Variants in CELF4 observed in about 807,000 individuals in gnomAD.
The protein encoded by CELF4 is CUG-BP- and ETR-3-like factor 4.
A neutral mutation model predicts 59.9 loss-of-function variants in CELF4; 18 were observed. That is an observed-to-expected ratio of 0.30 (90% CI 0.21 to 0.45). CELF4 has a LOEUF of 0.45. CELF4 is among the 20% of genes least tolerant of loss of function. The pLI is 1.00. For missense variants in CELF4, 456 were observed against 689.0 expected (o/e 0.66, Z 3.79); for synonymous variants, 261 against 267.1 (o/e 0.98, Z 0.22).
chr18:37,311,191 C>T (rs980263398), intron 3 of CELF4, among the ~76,000 whole-genome samples: 1 of 152,166 alleles, frequency 6.6e-6, no homozygotes, highest in African/African-American at 2.4e-5. Context: ...AATCAACACC[C>T]CCTCCCACAG....
intron 2 of CELF4, among the ~76,000 whole-genome samples, chr18:37,347,505 C>A (rs865826303): frequency 1.3e-5 from 2 of 152,290 alleles, no homozygotes; most frequent in South Asian, 4.1e-4. Context: ...TGCCTCACAG[C>A]CACTCAGGTC....
intron 1 of CELF4, among the ~76,000 whole-genome samples, chr18:37,540,565 G>A (rs944920483): frequency 3.3e-5 from 5 of 152,190 alleles, no homozygotes; most frequent in Admixed American, 6.5e-5. Flanking sequence ...GGGGCAAGCT[G>A]GGTGGGAAGG....
intron 2 of CELF4, among the ~76,000 whole-genome samples, chr18:37,371,894 G>A (rs1394247922): frequency 1.3e-5 from 2 of 152,222 alleles, no homozygotes; most frequent in Non-Finnish European, 2.9e-5. Context: ...GGGAATGCAT[G>A]CAGTTCAGCA....
intron 2 of CELF4, among the ~76,000 whole-genome samples, chr18:37,383,707 G>T (rs1002620641): frequency 6.6e-6 from 1 of 152,200 alleles, no homozygotes. Flanking sequence ...AGGCAGGGAA[G>T]TCGGGTATTA....
intron 2 of CELF4, among the ~76,000 whole-genome samples, chr18:37,354,663 C>T (rs1317114682): frequency 1.3e-5 from 2 of 152,198 alleles, no homozygotes; most frequent in African/African-American, 2.4e-5. Context: ...TGACTCCTTA[C>T]ACTGTGGCTT....
intron 1 of CELF4, among the ~76,000 whole-genome samples, chr18:37,491,139 C>A (rs1376737703): frequency 6.6e-6 from 1 of 150,424 alleles, no homozygotes; most frequent in African/African-American, 2.4e-5. Context: ...CGAGAGGGGC[C>A]CCATGCCCAC....
intron 2 of CELF4, among the ~76,000 whole-genome samples, chr18:37,333,642 C>T (rs775632583): frequency 2.0e-5 from 3 of 151,830 alleles, no homozygotes; most frequent in Admixed American, 6.6e-5. Flanking sequence ...GCCCGTGCTG[C>T]CTCTCCTCCA....
intron 6 of CELF4, chr18:37,273,846 G>C: frequency 1.0e-6 from 1 of 995,824 alleles, no homozygotes; most frequent in South Asian, 4.6e-5. Flanking sequence ...CCAGAGGCCT[G>C]AGGGGATATC....
intron 7 of CELF4, 83 bp from the exon 8 acceptor site, chr18:37,271,000 C>T: frequency 7.9e-7 from 1 of 1,260,294 alleles, no homozygotes; most frequent in South Asian, 1.5e-5. Flanking sequence ...TAAAGCTTCA[C>T]TCAACTGTTT....
chr18:37,296,406 G>A (rs193085971), intron 3 of CELF4, among the ~76,000 whole-genome samples: 171 of 152,250 alleles, frequency 1.1e-3, no homozygotes, highest in Non-Finnish European at 1.9e-3. Flanking sequence ...ATGTTGCCCC[G>A]GCTGACCTTG....
At chr18:37,502,993 A>T (rs1231858523) in intron 1 of CELF4, among the ~76,000 whole-genome samples, 1 of 152,214 alleles carries the variant, frequency 6.6e-6, no homozygotes, top group South Asian at 2.1e-4. Flanking sequence ...GCCTCACAGT[A>T]CCAGGTCGGG....
At chr18:37,540,221 G>A (rs1357465712) in intron 1 of CELF4, among the ~76,000 whole-genome samples, 1 of 152,220 alleles carries the variant, frequency 6.6e-6, no homozygotes, top group Non-Finnish European at 1.5e-5. Flanking sequence ...CCAGGAGGAT[G>A]TGGAGAGGTT....
chr18:37,270,147 A>G (rs577132314), intron 8 of CELF4, among the ~76,000 whole-genome samples: 1 of 152,006 alleles, frequency 6.6e-6, no homozygotes, highest in Non-Finnish European at 1.5e-5. Flanking sequence ...AAAAAAGGTA[A>G]TCAGGAGCAG....
At chr18:37,466,467 TA>T (rs2099809367) in intron 2 of CELF4, among the ~76,000 whole-genome samples, 1 of 152,018 alleles carries the variant, frequency 6.6e-6, no homozygotes, top group Non-Finnish European at 1.5e-5. Context: ...GGTCTGTACT[TA>T]TACAAGCCTG....
chr18:37,513,583 A>G (rs1023343247), intron 1 of CELF4, among the ~76,000 whole-genome samples: 1 of 152,106 alleles, frequency 6.6e-6, no homozygotes, highest in Admixed American at 6.6e-5. Context: ...CACTCACTCC[A>G]GGGCCTCTTT....
intron 3 of CELF4, among the ~76,000 whole-genome samples, chr18:37,304,073 A>T (rs1300537951): frequency 1.3e-5 from 2 of 152,152 alleles, no homozygotes; most frequent in Non-Finnish European, 2.9e-5. Context: ...TGTGCTCTGA[A>T]TTTTTTTGAA....
chr18:37,558,147 T>A (rs11877758), intron 1 of CELF4, among the ~76,000 whole-genome samples: 31 of 151,492 alleles, frequency 2.0e-4, no homozygotes, highest in African/African-American at 5.3e-4. Context: ...GACTACAGGC[T>A]TGCACCACCA....
chr18:37,525,768 C>T (rs866263757), intron 1 of CELF4, among the ~76,000 whole-genome samples: 26 of 151,988 alleles, frequency 1.7e-4, no homozygotes, highest in Admixed American at 1.0e-3. Flanking sequence ...GTACTTTCTC[C>T]CTTTAAAGAA....
At chr18:37,381,874 T>C (rs2099044775) in intron 2 of CELF4, among the ~76,000 whole-genome samples, 1 of 151,980 alleles carries the variant, frequency 6.6e-6, no homozygotes. Flanking sequence ...CACTGGCAAG[T>C]CTTACTGAAT....
Sources: gnomAD v4.1 joint callset for allele counts (sites outside exome capture counted in the v4.1 genomes callset) on GRCh38, gnomAD v4.1.1 for gene constraint, MANE v1.5 for transcripts, NCBI Gene and HGNC (gene_info 2026-07-23, HGNC 2026-07-21) for gene names.